HS6ST1: variants seen among roughly 807,000 people sequenced by gnomAD.
HS6ST1 encodes heparan sulfate 6-O-sulfotransferase 1.
In HS6ST1, 3 loss-of-function variants were observed where a neutral mutation model predicts 25.2. That is an observed-to-expected ratio of 0.12 (90% CI 0.05 to 0.31). HS6ST1 has a LOEUF of 0.31. Among genes scored for constraint, HS6ST1 ranks in the 10% least tolerant of loss-of-function variants. HS6ST1 has a pLI of 1.00. For synonymous variants in HS6ST1, 204 were observed against 275.1 expected, an observed-to-expected ratio of 0.74 and a Z score of 2.56; for missense variants, 310 against 609.6, an observed-to-expected ratio of 0.51 and a Z score of 5.18.
intron 1 of HS6ST1, among the ~76,000 whole-genome samples, chr2:128,311,416 T>C (rs140141533): frequency 6.6e-6 from 1 of 152,088 alleles, no homozygotes; most frequent in Non-Finnish European, 1.5e-5. Context: ...GCCCTTCCAG[T>C]GGGGCTCCCA....
intron 1 of HS6ST1, among the ~76,000 whole-genome samples, chr2:128,294,672 G>A (rs1274404362): frequency 4.0e-4 from 3 of 7,476 alleles, no homozygotes; most frequent in Non-Finnish European, 6.6e-4. Flanking sequence ...GAAGGGAGGC[G>A]TGTGTGTGTG....
chr2:128,277,116 AG>A (rs1693708395), intron 1 of HS6ST1, among the ~76,000 whole-genome samples: 2 of 152,176 alleles, frequency 1.3e-5, no homozygotes, highest in Non-Finnish European at 2.9e-5. Context: ...GTCCAGGAGT[AG>A]GAGTGCCTTG....
At chr2:128,315,613 C>T (rs1271192911) in intron 1 of HS6ST1, among the ~76,000 whole-genome samples, 1 of 152,200 alleles carries the variant, frequency 6.6e-6, no homozygotes, top group East Asian at 1.9e-4. Context: ...TGAGGCACCC[C>T]AGCAGGGATG....
At chr2:128,279,720 CAGG>C (rs896287270) in intron 1 of HS6ST1, among the ~76,000 whole-genome samples, 4 of 152,152 alleles carry the variant, frequency 2.6e-5, no homozygotes, top group East Asian at 3.9e-4. Context: ...AGCTCAGGAT[CAGG>C]AGTTCAAGGC....
At chr2:128,315,398 C>A (rs1694346832) in intron 1 of HS6ST1, among the ~76,000 whole-genome samples, 1 of 152,192 alleles carries the variant, frequency 6.6e-6, no homozygotes, top group Non-Finnish European at 1.5e-5. Flanking sequence ...CCCACTGAGA[C>A]CCTCCCAAAC....
chr2:128,273,951 C>T lies in HS6ST1; in HGVS notation c.528-5081G>A, dbSNP rs111366057. On this transcript the variant is annotated intron_variant, in intron 1 of 1. Coordinates refer to ENST00000259241, the MANE Select transcript of HS6ST1 (RefSeq NM_004807.3). ...TCAGAGGTTTGAGGAATGGTCTGCACACTCACGGTGGTCCCCAGCCCCTGC... is the reference window on the plus strand; with the variant it reads ...TCAGAGGTTTGAGGAATGGTCTGCATACTCACGGTGGTCCCCAGCCCCTGC... Among the ~76,000 whole-genome samples, 40 of 152,278 alleles carry T rather than the reference C, an allele frequency of 2.6e-4. 1 individual carries two copies. Among genetic ancestry groups the T allele is most frequent in the African/African-American group, 8.9e-4 (37 of 41,578 alleles).
rs1693550714 is a variant in HS6ST1, at chr2:128,268,121, C to G, written c.*41G>C. On this transcript the variant is annotated 3_prime_UTR_variant, in exon 2 of 2. Transcript: ENST00000259241. Reference sequence around the variant, plus strand: ...ACCTGTCGTCTGTCCTGTTTTATCCCCCACACCCCCCAAGAGGCCTCCCCG... The same window carrying G: ...ACCTGTCGTCTGTCCTGTTTTATCCGCCACACCCCCCAAGAGGCCTCCCCG... 1 of 1,455,268 alleles carries G rather than the reference C, an allele frequency of 6.9e-7. No homozygotes were observed. The highest frequency in any genetic ancestry group is 9.4e-7 in the Non-Finnish European group (1 of 1,059,266). 90.1% of individuals were successfully genotyped at this position (1,455,268 alleles called of 1,614,324 possible).
At chr2:128,314,657 G>A (rs1285548370) in intron 1 of HS6ST1, among the ~76,000 whole-genome samples, 4 of 152,182 alleles carry the variant, frequency 2.6e-5, no homozygotes, top group South Asian at 2.1e-4. Context: ...GCGAGGCTGC[G>A]GGCTCCTGCG....
chr2:128,284,201 G>A (rs1693827118), intron 1 of HS6ST1, among the ~76,000 whole-genome samples: 1 of 152,166 alleles, frequency 6.6e-6, no homozygotes, highest in African/African-American at 2.4e-5. Flanking sequence ...TAGGTGCTCA[G>A]ACAGGGCAGG....
At chr2:128,303,076 C>T (rs995221853) in intron 1 of HS6ST1, among the ~76,000 whole-genome samples, 13 of 152,266 alleles carry the variant, frequency 8.5e-5, no homozygotes, top group Admixed American at 6.5e-4. Context: ...ATCCGACCTG[C>T]TGCCCATTCC....
intron 1 of HS6ST1, among the ~76,000 whole-genome samples, chr2:128,303,349 A>T (rs1344330568): frequency 6.6e-6 from 1 of 152,232 alleles, no homozygotes; most frequent in Non-Finnish European, 1.5e-5. Flanking sequence ...TAACAGCACA[A>T]CACCCATGGG....
chr2:128,288,119 G>A (rs1207158889), intron 1 of HS6ST1, among the ~76,000 whole-genome samples: 2 of 152,188 alleles, frequency 1.3e-5, no homozygotes, highest in Non-Finnish European at 2.9e-5. Flanking sequence ...CAGAGCCATG[G>A]CCTCCTCTTG....
At chr2:128,289,119 C>T (rs1693910535) in intron 1 of HS6ST1, among the ~76,000 whole-genome samples, 1 of 152,184 alleles carries the variant, frequency 6.6e-6, no homozygotes, top group Admixed American at 6.5e-5. Flanking sequence ...AAACAGCCCA[C>T]CCCAGAGATA....
intron 1 of HS6ST1, 50 bp downstream of exon 1, chr2:128,317,987 C>A: frequency 7.2e-7 from 1 of 1,397,972 alleles, no homozygotes; most frequent in African/African-American, 1.5e-5. Context: ...GGCATACGGC[C>A]CGGCCTCGGG....
At position 128,268,173 on chromosome 2, in the gene HS6ST1, C is replaced by T; in HGVS notation, c.1225G>A (p.Glu409Lys). 6.2e-7 allele frequency: 1 copy of T among 1,608,858 alleles called. No individual in the cohort carries two copies. The highest frequency in any genetic ancestry group is 2.2e-5 in the East Asian group (1 of 44,828). ...GGCCACCACCGCCACTACCACTTCT[C>T]AATGATGTGGCTCATGTAGTCCTCG... ...PTEDYMSHII[E>K]KW The change falls in exon 2 of 2, where the codon GAG becomes AAG. Residue 409 changes from glutamate to lysine, a missense_variant. This residue lies in a region of HS6ST1 where 140 missense variants were observed against 176.5 expected (regional missense o/e 0.79). Transcript: ENST00000259241.
chr2:128,305,962 G>C (rs1376846092), intron 1 of HS6ST1, among the ~76,000 whole-genome samples: 1 of 152,170 alleles, frequency 6.6e-6, no homozygotes, highest in African/African-American at 2.4e-5. Flanking sequence ...ACTCTGGGGA[G>C]TGACCTGCCT....
At chr2:128,301,978 C>A (rs1394317408) in intron 1 of HS6ST1, among the ~76,000 whole-genome samples, 9 of 152,192 alleles carry the variant, frequency 5.9e-5, no homozygotes. Flanking sequence ...GAGGACTGGG[C>A]TCTCCATGGT....
chr2:128,273,734 T>G (rs79864718), intron 1 of HS6ST1, among the ~76,000 whole-genome samples: 1 of 152,240 alleles, frequency 6.6e-6, no homozygotes, highest in South Asian at 2.1e-4. Context: ...CTCCATTGCA[T>G]GCGTTGCCAG....
At chr2:128,305,699 G>A (rs1214168751) in intron 1 of HS6ST1, among the ~76,000 whole-genome samples, 1 of 152,184 alleles carries the variant, frequency 6.6e-6, no homozygotes, top group Non-Finnish European at 1.5e-5. Context: ...CAACTCCCCC[G>A]GGAGACCATC....
Sources: gnomAD v4.1 joint callset for allele counts (sites outside exome capture counted in the v4.1 genomes callset) on GRCh38, gnomAD v4.1.1 for gene constraint, gnomAD v4.1.1 regional missense constraint, MANE v1.5 for transcripts, NCBI Gene and HGNC (gene_info 2026-07-23, HGNC 2026-07-21) for gene names.